Variants in TNKS1BP1 observed in about 807,000 individuals in gnomAD.
TNKS1BP1 encodes CCR4-NOT transcription complex subunit 12, also known as 182 kDa tankyrase-1-binding protein.
In TNKS1BP1, 48 loss-of-function variants were observed where a neutral mutation model predicts 141.1. That is an observed-to-expected ratio of 0.34 (90% CI 0.27 to 0.43). The LOEUF (loss-of-function observed/expected upper bound fraction) is 0.43, where lower values mean the gene tolerates loss of function less well. Among genes scored for constraint, TNKS1BP1 ranks in the 20% least tolerant of loss-of-function variants. TNKS1BP1 has a pLI of 1.00. For synonymous variants in TNKS1BP1, 875 were observed against 898.2 expected, an observed-to-expected ratio of 0.97 and a Z score of 0.46; for missense variants, 2,149 against 2,226.0, an observed-to-expected ratio of 0.97 and a Z score of 0.70.
chr11:57,300,481 G>A, intron 11 of TNKS1BP1, 47 bp downstream of exon 11: 1 of 1,590,870 alleles, frequency 6.3e-7, no homozygotes, highest in Non-Finnish European at 8.6e-7. Context: ...AAGCCTCCAG[G>A]GCAGGCCCTC....
chr11:57,310,020 A>G lies in TNKS1BP1; in HGVS notation c.2691T>C (p.Tyr897=). ...EFGKRDSLGA[Y]ASQDANEQGQ... ...CCTGCTCGTTGGCATCTTGGCTGGC[A>G]TAAGCACCCAGAGAATCTCTCTTCC... Residue 897 remains tyrosine (Y), a synonymous_variant, in exon 6 of 12, where the codon TAT becomes TAC. Transcript: ENST00000358252. 5.0e-6 allele frequency: 8 copies of G among 1,614,138 alleles called. No homozygotes were observed. The highest frequency in any genetic ancestry group is 6.8e-6 in the Non-Finnish European group (8 of 1,180,006).
At chr11:57,300,195 A>G in intron 11 of TNKS1BP1, 114 bp from the exon 12 acceptor site, 1 of 262,256 alleles carries the variant, frequency 3.8e-6, no homozygotes, top group Non-Finnish European at 7.3e-6. Flanking sequence ...GGAGCCTGGT[A>G]AGTGCCCACA....
At position 57,317,905 on chromosome 11, in the gene TNKS1BP1, A is replaced by C; in HGVS notation, c.729-18T>G. The C allele has an allele frequency of 6.2e-7, 1 of 1,611,692 alleles. No individual in the cohort carries two copies. ...GAAGGCTCCTGTGAGGGACGAGGAC[A>C]GGAAATGGAAGCACGGAATGTTAGA... On this transcript the variant is annotated intron_variant, in intron 3 of 11. Transcript: ENST00000358252.
intron 6 of TNKS1BP1, among the ~76,000 whole-genome samples, chr11:57,305,184 GCT>G: frequency 6.6e-6 from 1 of 152,304 alleles, no homozygotes; most frequent in African/African-American, 2.4e-5. Context: ...ACACAGCTAG[GCT>G]CTGTCTCCTC....
Position 57,309,793 on chromosome 11 carries a change from TG to T in TNKS1BP1, c.2917del (p.Gln973ArgfsTer10). On this transcript the variant is annotated frameshift_variant, in exon 6 of 12. Transcript: ENST00000358252. LOFTEE classifies it high-confidence loss of function. The surrounding 1 kb of genome is among the most constrained non-coding windows in gnomAD (Gnocchi z 4.3). Reference sequence around the variant, plus strand: ...GGGTCTCGTTCCAAAGCTTCTGTCCTGGGCGTCAAGGGTCCTGGAGCTGCCA... The same window carrying T: ...GGGTCTCGTTCCAAAGCTTCTGTCCTGGCGTCAAGGGTCCTGGAGCTGCCA... ...SGGSSRTLDA[Q>X]DRSFGTRPLS... 4.3e-6 allele frequency: 7 copies of T among 1,614,200 alleles called. No individual in the cohort carries two copies. Among genetic ancestry groups the T allele is most frequent in the Non-Finnish European group, 5.9e-6 (7 of 1,180,030 alleles).
chr11:57,308,656 T>G lies in TNKS1BP1; in HGVS notation c.4055A>C (p.Asn1352Thr), dbSNP rs2134354435. ...MDWTQDLAPQ[N>T]VELFGAPSEA... ...ACTTGGAGCCCCAAAGAGCTCCACA[T>G]TCTGGGGCGCCAAGTCCTGGGTCCA... The change falls in exon 6 of 12, where the codon AAT becomes ACT. Residue 1352 changes from asparagine (N) to threonine (T), a missense_variant. Asn to Thr is a moderately conservative substitution (Grantham distance 65, BLOSUM62 0). Transcript: ENST00000358252. The G allele has an allele frequency of 6.3e-7, 1 of 1,590,446 alleles. No individual in the cohort carries two copies. The highest frequency in any genetic ancestry group is 2.3e-5 in the East Asian group (1 of 43,526).
At chr11:57,304,178 G>A (rs1855572643) in intron 6 of TNKS1BP1, among the ~76,000 whole-genome samples, 1 of 152,092 alleles carries the variant, frequency 6.6e-6, no homozygotes, top group African/African-American at 2.4e-5. Context: ...GGGAAAGCCT[G>A]GCACGGCAGT....
At chr11:57,310,636 G>A (rs139376820) in intron 5 of TNKS1BP1, 80 bp from the exon 6 acceptor site, 13 of 1,502,976 alleles carry the variant, frequency 8.6e-6, no homozygotes, top group East Asian at 4.5e-5. Flanking sequence ...CAGAGTCAGC[G>A]CTGCCTAGTG....
In TNKS1BP1 at chr11:57,309,652, C is replaced by T. The variant is rs755657685; in HGVS notation, c.3059G>A (p.Gly1020Glu). Reference sequence around the variant, plus strand: ...GAACAAGCCCCCGGATCCTCTCTCTCCTGGCCGGCCAGCATCCCTGCTGCC... The same window carrying T: ...GAACAAGCCCCCGGATCCTCTCTCTTCTGGCCGGCCAGCATCCCTGCTGCC... ...GEGSRDAGRP[G>E]ERGSGGLFSP... Residue 1020 changes from glycine to glutamate, a missense_variant, in exon 6 of 12, where the codon GGA becomes GAA. Transcript: ENST00000358252. This position sits in a 1 kb window ranked among gnomAD's most constrained non-coding sequence, Gnocchi z 4.3. 6 of 1,614,198 alleles carry T rather than the reference C, an allele frequency of 3.7e-6. No homozygotes were observed. Among genetic ancestry groups the T allele is most frequent in the South Asian group, 1.1e-5 (1 of 91,082 alleles).
Position 57,324,914 on chromosome 11 carries a change from G to T in TNKS1BP1, c.-140C>A. ...CCCCGCCGCCGCCGCCGCTGCTACC[G>T]CCGCCGCCGCCGCCGTCACCGCGGG... On this transcript the variant is annotated 5_prime_UTR_variant, in exon 1 of 12. Coordinates refer to ENST00000358252, the MANE Select transcript of TNKS1BP1 (RefSeq NM_033396.3). 1 of 978,826 alleles carries T rather than the reference G, an allele frequency of 1.0e-6. No individual in the cohort carries two copies. The highest frequency in any genetic ancestry group is 1.2e-6 in the Non-Finnish European group (1 of 827,020). 60.6% of individuals were successfully genotyped at this position (978,826 alleles called of 1,614,324 possible). A position where few individuals can be genotyped will look rare whatever the true frequency, so the allele number is the denominator to read the frequency against.
At chr11:57,308,279 C>T in intron 6 of TNKS1BP1, 116 bp downstream of exon 6, 2 of 1,419,756 alleles carry the variant, frequency 1.4e-6, no homozygotes, top group South Asian at 1.5e-5. Context: ...TCTCAATTAC[C>T]CAAACACTAA....
At chr11:57,307,044 G>A (rs1855624442) in intron 6 of TNKS1BP1, among the ~76,000 whole-genome samples, 1 of 152,134 alleles carries the variant, frequency 6.6e-6, no homozygotes. Context: ...CTCCAGCGGA[G>A]AGGATAAAAA....
intron 4 of TNKS1BP1, among the ~76,000 whole-genome samples, chr11:57,316,478 C>G (rs929576589): frequency 6.6e-6 from 1 of 152,164 alleles, no homozygotes; most frequent in African/African-American, 2.4e-5. Context: ...ATCTCAAATT[C>G]AACAAATCCA....
Position 57,302,819 on chromosome 11 carries a change from G to A in TNKS1BP1, c.4323C>T (p.Gly1441=). The A allele has an allele frequency of 6.5e-7, 1 of 1,533,494 alleles. No individual in the cohort carries two copies. The highest frequency in any genetic ancestry group is 1.2e-5 in the South Asian group (1 of 81,708). 95.0% of individuals were successfully genotyped at this position (1,533,494 alleles called of 1,614,324 possible). ...GEALSFGASP[G]RCPARPPPSG... The stretch of plus-strand genomic sequence containing the variant: ...AGGGTGGGGGGCGGGCCGGGCACCT[G>A]CCAGGGCTGTAAAGGGGACAGAGAG... The change falls in exon 7 of 12, where the codon GGC becomes GGT. Residue 1441 remains glycine (G), a synonymous_variant. Coordinates refer to ENST00000358252, the MANE Select transcript of TNKS1BP1 (RefSeq NM_033396.3). This position sits in a 1 kb window ranked among gnomAD's most constrained non-coding sequence, Gnocchi z 5.5.
intron 9 of TNKS1BP1, 72 bp downstream of exon 9, chr11:57,301,735 G>A: frequency 6.4e-7 from 1 of 1,558,790 alleles, no homozygotes; most frequent in Non-Finnish European, 8.7e-7. Flanking sequence ...TGGATGAAGA[G>A]AAGAAAGACA....
intron 6 of TNKS1BP1, among the ~76,000 whole-genome samples, chr11:57,305,317 C>G (rs1855592442): frequency 6.6e-6 from 1 of 152,224 alleles, no homozygotes; most frequent in Non-Finnish European, 1.5e-5. Flanking sequence ...ATGTGCCTAA[C>G]ACATAGTTAG....
chr11:57,301,426 C>T (rs1402432283), intron 9 of TNKS1BP1, among the ~76,000 whole-genome samples: 1 of 152,154 alleles, frequency 6.6e-6, no homozygotes, highest in African/African-American at 2.4e-5. Context: ...TCCACCCTCC[C>T]TTCCCATCCC....
rs752446811 is a variant in TNKS1BP1, at chr11:57,301,796, T to C, written c.4971+11A>G. 1.9e-6 allele frequency: 3 copies of C among 1,605,172 alleles called. No homozygotes were observed. The highest frequency in any genetic ancestry group is 2.6e-6 in the Non-Finnish European group (3 of 1,173,474). On this transcript the variant is annotated intron_variant, in intron 9 of 11. Coordinates refer to ENST00000358252, the MANE Select transcript of TNKS1BP1 (RefSeq NM_033396.3). ...ATGGCTGGACATGTTTGCTTAATGA[T>C]CAGATGGTACCTTCAGGGCTGAGGG... is the stretch of plus-strand genomic sequence containing the variant.
At position 57,309,861 on chromosome 11, in the gene TNKS1BP1, C is replaced by G; in HGVS notation, c.2850G>C (p.Gln950His). 2.5e-6 allele frequency: 4 copies of G among 1,614,238 alleles called. No homozygotes were observed. Among genetic ancestry groups the G allele is most frequent in the Non-Finnish European group, 3.4e-6 (4 of 1,180,042 alleles). ...YGSRAAEPQE[Q>H]EFGKSAWIRD... ...TTATCCAAGCGCTCTTCCCAAACTC[C>G]TGTTCCTGTGGCTCCGCAGCCCGGC... Residue 950 changes from glutamine (Q) to histidine (H), a missense_variant, in exon 6 of 12, where the codon CAG (glutamine) becomes CAC (histidine). Gln to His is a conservative substitution (Grantham distance 24). Coordinates refer to ENST00000358252, the MANE Select transcript of TNKS1BP1 (RefSeq NM_033396.3). The surrounding 1 kb of genome is among the most constrained non-coding windows in gnomAD (Gnocchi z 4.3).
Sources: allele counts gnomAD v4.1 joint callset (sites outside exome capture counted in the v4.1 genomes callset), GRCh38; gene constraint gnomAD v4.1.1; non-coding constraint Gnocchi (gnomAD v3.1); transcripts MANE v1.5; gene names NCBI Gene and HGNC (gene_info 2026-07-23, HGNC 2026-07-21).